The following COL14A1 variants were observed in gnomAD, a reference collection of about 807,000 sequenced individuals.
The protein encoded by COL14A1 is collagen type XIV alpha 1 chain.
A neutral mutation model predicts 230.3 loss-of-function variants in COL14A1; 136 were observed. The ratio of observed to expected loss-of-function variants is 0.59; its 90% CI spans 0.51 to 0.68. The LOEUF is 0.68. Among genes scored for constraint, COL14A1 ranks in the 30% least tolerant of loss-of-function variants. The pLI, the probability that COL14A1 is intolerant of heterozygous loss-of-function variation, is 0.00. For synonymous variants in COL14A1, 792 were observed against 784.1 expected (o/e 1.01, Z -0.17); for missense variants, 1,976 against 2,215.8 (o/e 0.89, Z 2.17).
intron 40 of COL14A1, among the ~76,000 whole-genome samples, chr8:120,325,267 A>G (rs1821619033): frequency 1.3e-5 from 2 of 152,150 alleles, no homozygotes; most frequent in Admixed American, 1.3e-4. Flanking sequence ...AATGTGGACT[A>G]TGGGTGCATA....
intron 47 of COL14A1, chr8:120,370,469 A>G: frequency 1.9e-6 from 3 of 1,542,376 alleles, no homozygotes; most frequent in Non-Finnish European, 2.6e-6. Flanking sequence ...TGCCCCTAAC[A>G]ATGGACACTC....
At chr8:120,267,049 C>A in intron 25 of COL14A1, 166 bp downstream of exon 25, 1 of 593,112 alleles carries the variant, frequency 1.7e-6, no homozygotes. Context: ...GAATGATATC[C>A]ATTTAATATC....
chr8:120,241,166 A>G (rs189938232), intron 19 of COL14A1, among the ~76,000 whole-genome samples: 10 of 152,372 alleles, frequency 6.6e-5, no homozygotes, highest in Non-Finnish European at 1.0e-4. Flanking sequence ...TTTTAGAAAC[A>G]TTGATAGCCA....
At chr8:120,354,392 T>TAA (rs11326177) in intron 45 of COL14A1, among the ~76,000 whole-genome samples, 1 of 131,514 alleles carries the variant, frequency 7.6e-6, no homozygotes. Flanking sequence ...AAAGTATAAT[T>TAA]AAAAAAAAAA....
intron 1 of COL14A1, among the ~76,000 whole-genome samples, chr8:120,134,331 G>A (rs964326779): frequency 2.6e-5 from 4 of 151,870 alleles, no homozygotes; most frequent in Non-Finnish European, 4.4e-5. Flanking sequence ...ATAGAAAATC[G>A]ATAGATTCGA....
Position 120,199,411 on chromosome 8 carries a change from T to C in COL14A1, c.722T>C (p.Leu241Ser). 1 of 1,598,260 alleles carries C rather than the reference T, an allele frequency of 6.3e-7. No individual in the cohort carries two copies. Among genetic ancestry groups the C allele is most frequent in the Non-Finnish European group, 8.5e-7 (1 of 1,175,124 alleles). ...KGGNTLTGLA[L>S]NYIFENSFKP... Reference sequence around the variant, plus strand: ...CCTTGTTTTCTCCAAGGTCTTGCTTTGAACTACATTTTTGAAAATAGCTTC... The same window carrying C: ...CCTTGTTTTCTCCAAGGTCTTGCTTCGAACTACATTTTTGAAAATAGCTTC... Residue 241 changes from leucine to serine, a missense_variant, in exon 8 of 48, where the codon TTG becomes TCG. Physicochemically the swap from Leu to Ser is moderately radical, Grantham distance 145. This residue lies in a region of COL14A1 where 1,791 missense variants were observed against 2,019.5 expected (regional missense o/e 0.89). Coordinates refer to ENST00000297848, the MANE Select transcript of COL14A1 (RefSeq NM_021110.4).
chr8:120,194,230 G>A (rs1313161038), intron 5 of COL14A1, among the ~76,000 whole-genome samples: 6 of 152,270 alleles, frequency 3.9e-5, no homozygotes, highest in Non-Finnish European at 5.9e-5. Flanking sequence ...AGTGAAATAT[G>A]CCTAGTTGTA....
rs545081278 is a variant in COL14A1, at chr8:120,212,699, C to T, written c.1597+122C>T. ...AAAAGCTAATTATAATTTTAAAAATCTCATGTTCTATTTAGGGCAAGGAAA... is the reference window on the plus strand; with the variant it reads ...AAAAGCTAATTATAATTTTAAAAATTTCATGTTCTATTTAGGGCAAGGAAA... On this transcript the variant is annotated intron_variant, in intron 13 of 47. Coordinates refer to ENST00000297848, the MANE Select transcript of COL14A1 (RefSeq NM_021110.4). 9 of 1,057,050 alleles carry T rather than the reference C, an allele frequency of 8.5e-6. No homozygotes were observed. The South Asian group carries it at 1.4e-4, about 16-fold the overall frequency. 65.5% of individuals were successfully genotyped at this position (1,057,050 alleles called of 1,614,324 possible). A position where few individuals can be genotyped will look rare whatever the true frequency, so the allele number is the denominator to read the frequency against.
In COL14A1 at chr8:120,300,810, G is replaced by T; in HGVS notation, c.4393G>T (p.Gly1465Cys). Residue 1465 changes from glycine to cysteine, a missense_variant, in exon 36 of 48, where the codon GGC becomes TGC. Transcript: ENST00000297848. The part of the protein sequence containing the change: ...ETNEVALGPA[G>C]PPGGPGLRGP... ...CAATGAAGTGGCTCTGGGACCAGCG[G>T]GCCCACCAGTAAGTCTTGCTGAGTT... The T allele has an allele frequency of 6.2e-7, 1 of 1,613,088 alleles. No individual in the cohort carries two copies. The highest frequency in any genetic ancestry group is 8.5e-7 in the Non-Finnish European group (1 of 1,179,380).
At chr8:120,370,929 G>A (rs1823565415) in intron 47 of COL14A1, 2 of 1,174,922 alleles carry the variant, frequency 1.7e-6, no homozygotes, top group Non-Finnish European at 2.3e-6. Flanking sequence ...GGTTGGTTAT[G>A]ATTCTAGTTT....
Position 120,276,648 on chromosome 8 carries a change from C to G in COL14A1, c.3214-1463C>G, listed in dbSNP as rs1397908377. ...GCTGGTTTCCAGTTTCATCCATGTC[C>G]CTTCAAAGGACATGAACTCATCCTT... On this transcript the variant is annotated intron_variant, in intron 26 of 47. Transcript: ENST00000297848. Among the ~76,000 whole-genome samples the G allele has an allele frequency of 2.0e-5, 3 of 151,664 alleles. No homozygotes were observed. In the East Asian group the frequency reaches 5.9e-4, roughly 30 times the overall value.
At chr8:120,228,071 A>G (rs1006080808) in intron 17 of COL14A1, among the ~76,000 whole-genome samples, 6 of 152,052 alleles carry the variant, frequency 3.9e-5, no homozygotes, top group African/African-American at 1.4e-4. Context: ...CCAAATTGAG[A>G]CAAAGGGGCT....
chr8:120,216,609 G>T (rs73704298), intron 14 of COL14A1, 119 bp downstream of exon 14: 2 of 1,069,192 alleles, frequency 1.9e-6, no homozygotes, highest in South Asian at 1.9e-5. Context: ...TTATTGTCTC[G>T]CATAGTTCCT....
chr8:120,307,160 TC>T (rs2130065538), intron 36 of COL14A1, among the ~76,000 whole-genome samples: 1 of 152,308 alleles, frequency 6.6e-6, no homozygotes, highest in South Asian at 2.1e-4. Context: ...ACACAATGAT[TC>T]CTGGTTGCAA....
Position 120,250,743 on chromosome 8 carries a change from C to A in COL14A1, c.2729C>A (p.Ala910Asp), listed in dbSNP as rs1181305178. The A allele has an allele frequency of 1.2e-6, 2 of 1,614,194 alleles. No individual in the cohort carries two copies. The highest frequency in any genetic ancestry group is 4.5e-5 in the East Asian group (2 of 44,884). ...FASQASGFSD[A>D]LTGMVKTLFL... ...TCCCAGGCCTCAGGCTTCAGCGACGCCCTGACAGGCATGGTGAAAACATGT... is the reference window on the plus strand; with the variant it reads ...TCCCAGGCCTCAGGCTTCAGCGACGACCTGACAGGCATGGTGAAAACATGT... The change falls in exon 22 of 48, where the codon GCC becomes GAC. Residue 910 changes from alanine (A) to aspartate (D), a missense_variant. Physicochemically the swap from Ala to Asp is moderately radical, Grantham distance 126. Coordinates refer to ENST00000297848, the MANE Select transcript of COL14A1 (RefSeq NM_021110.4).
chr8:120,140,365 T>C (rs547697104), intron 1 of COL14A1, among the ~76,000 whole-genome samples: 61 of 152,180 alleles, frequency 4.0e-4, no homozygotes, highest in Non-Finnish European at 7.6e-4. Flanking sequence ...TTAAGTGAGC[T>C]ACCAAGGGGA....
intron 40 of COL14A1, among the ~76,000 whole-genome samples, chr8:120,325,735 C>T (rs1821641255): frequency 6.6e-6 from 1 of 152,136 alleles, no homozygotes; most frequent in Non-Finnish European, 1.5e-5. Flanking sequence ...TCCAGTGATC[C>T]ACCCTCCTTG....
At chr8:120,330,480 C>T (rs1007553805) in intron 40 of COL14A1, among the ~76,000 whole-genome samples, 2 of 152,182 alleles carry the variant, frequency 1.3e-5, no homozygotes, top group Non-Finnish European at 2.9e-5. Context: ...TAAATGACGG[C>T]AGGCAAGAGA....
At chr8:120,160,017 T>C (rs1324188505) in intron 3 of COL14A1, among the ~76,000 whole-genome samples, 1 of 152,128 alleles carries the variant, frequency 6.6e-6, no homozygotes, top group African/African-American at 2.4e-5. Context: ...TAAGAAATAT[T>C]ATCCGTAGAC....
Sources: allele counts gnomAD v4.1 joint callset (sites outside exome capture counted in the v4.1 genomes callset), GRCh38; gene constraint gnomAD v4.1.1; regional missense constraint gnomAD v4.1.1; transcripts MANE v1.5; gene names NCBI Gene and HGNC (gene_info 2026-07-23, HGNC 2026-07-21).